The following NBAS variants were observed in gnomAD, a reference collection of about 807,000 sequenced individuals.
The protein encoded by NBAS is NBAS subunit of NRZ tethering complex.
In NBAS, 219 loss-of-function variants were observed where a neutral mutation model predicts 302.5. The observed-to-expected ratio is 0.72, with a 90% CI of 0.65 to 0.81. The LOEUF is 0.81. Among genes scored for constraint, NBAS ranks in the 30% least tolerant of loss-of-function variants. The pLI, the probability that NBAS is intolerant of heterozygous loss-of-function variation, is 0.00. For synonymous variants in NBAS, 1,118 were observed against 1,021.6 expected (o/e 1.09, Z -1.80); for missense variants, 2,932 against 2,841.6 (o/e 1.03, Z -0.72).
At chr2:14,962,715 C>T in the NBAS span, among the ~76,000 whole-genome samples, 124,799 of 152,096 alleles carry the variant, frequency 0.82, 51,630 homozygotes, top group African/African-American at 0.93. Flanking sequence ...TGAAAATTGA[C>T]GTATAAGGTC....
In NBAS at chr2:15,415,661, C is replaced by T. The variant is rs781766556; in HGVS notation, c.2822G>A (p.Arg941His). ...CACACCAGGCGACTGTTTCTCACAACGATGAAGAAAGGGAACCATCCACTG... is the reference window on the plus strand; with the variant it reads ...CACACCAGGCGACTGTTTCTCACAATGATGAAGAAAGGGAACCATCCACTG... ...AYQWMVPFLH[R>H]CEKQSPGVAN... The change falls in exon 25 of 52, where the codon CGT (arginine) becomes CAT (histidine). Residue 941 changes from arginine to histidine, a missense_variant. Transcript: ENST00000281513. 2.5e-6 allele frequency: 4 copies of T among 1,614,098 alleles called. No individual in the cohort carries two copies. The highest frequency in any genetic ancestry group is 3.4e-6 in the Non-Finnish European group (4 of 1,180,030).
At chr2:14,864,865 A>G in the NBAS span, among the ~76,000 whole-genome samples, 2 of 152,328 alleles carry the variant, frequency 1.3e-5, no homozygotes, top group South Asian at 4.1e-4. Context: ...AGAACCTGCC[A>G]TGTAGTAAAT....
At chr2:15,230,302 A>T (rs1667326484) in intron 47 of NBAS, among the ~76,000 whole-genome samples, 1 of 152,024 alleles carries the variant, frequency 6.6e-6, no homozygotes, top group African/African-American at 2.4e-5. Context: ...GGAAACCCAA[A>T]CAAAGGGTGT....
the NBAS span, among the ~76,000 whole-genome samples, chr2:15,054,543 T>C: frequency 6.6e-6 from 1 of 152,240 alleles, no homozygotes; most frequent in African/African-American, 2.4e-5. Context: ...GTATGCAGAA[T>C]AAGTGCTGTA....
At chr2:14,788,393 C>A in the NBAS span, among the ~76,000 whole-genome samples, 2 of 152,240 alleles carry the variant, frequency 1.3e-5, no homozygotes, top group East Asian at 3.9e-4. Context: ...GGAGGAGAGG[C>A]GCTCTGCTTT....
the NBAS span, among the ~76,000 whole-genome samples, chr2:14,877,248 C>T: frequency 2.0e-5 from 3 of 152,158 alleles, no homozygotes; most frequent in Admixed American, 2.0e-4. Context: ...CTGCTTTCCA[C>T]CCACTTTAAA....
chr2:14,781,618 G>A, the NBAS span, among the ~76,000 whole-genome samples: 1 of 151,986 alleles, frequency 6.6e-6, no homozygotes, highest in African/African-American at 2.4e-5. Flanking sequence ...ATAGCAAGGT[G>A]CTTTAGATGA....
At chr2:15,306,233 G>T (rs145009477) in intron 40 of NBAS, among the ~76,000 whole-genome samples, 2,610 of 152,222 alleles carry the variant, frequency 0.017, 37 homozygotes, top group Middle Eastern at 0.031. Flanking sequence ...AAAATTACTA[G>T]AGTATAATAA....
chr2:15,466,289 G>A (rs578139078), intron 19 of NBAS, among the ~76,000 whole-genome samples: 28 of 152,146 alleles, frequency 1.8e-4, no homozygotes, highest in African/African-American at 6.3e-4. Context: ...GAGCTGCGAG[G>A]CACACACACA....
intron 47 of NBAS, among the ~76,000 whole-genome samples, chr2:15,219,679 T>G (rs1363612791): frequency 2.9e-5 from 4 of 136,610 alleles, no homozygotes; most frequent in African/African-American, 5.7e-5. Context: ...GGCAGAAGAA[T>G]TTTTCTTAGT....
the NBAS span, among the ~76,000 whole-genome samples, chr2:14,782,647 A>G: frequency 1.3e-5 from 2 of 152,210 alleles, no homozygotes; most frequent in African/African-American, 4.8e-5. Context: ...TCATAAAGAC[A>G]GATGCACACA....
At chr2:15,173,885 AT>A (rs1402267997) in intron 51 of NBAS, among the ~76,000 whole-genome samples, 1 of 152,238 alleles carries the variant, frequency 6.6e-6, no homozygotes, top group East Asian at 1.9e-4. Context: ...CCATGAGATT[AT>A]TCATTTAAGC....
the NBAS span, among the ~76,000 whole-genome samples, chr2:15,079,790 G>C: frequency 1.3e-5 from 2 of 152,136 alleles, no homozygotes; most frequent in Non-Finnish European, 2.9e-5. Context: ...CTAGCAGGCG[G>C]TTAGCACTTT....
intron 10 of NBAS, among the ~76,000 whole-genome samples, chr2:15,507,741 G>C (rs1487770650): frequency 6.6e-6 from 1 of 152,150 alleles, no homozygotes; most frequent in African/African-American, 2.4e-5. Flanking sequence ...CATATGCAGC[G>C]AATCCCTTGA....
intron 45 of NBAS, among the ~76,000 whole-genome samples, chr2:15,238,231 C>G (rs1037961329): frequency 6.6e-6 from 1 of 152,146 alleles, no homozygotes; most frequent in African/African-American, 2.4e-5. Flanking sequence ...TTCTCACCCA[C>G]TTCCTCTATT....
intron 38 of NBAS, among the ~76,000 whole-genome samples, chr2:15,320,171 G>A (rs574098950): frequency 6.6e-6 from 1 of 152,218 alleles, no homozygotes; most frequent in South Asian, 2.1e-4. Context: ...AATAGATGCA[G>A]AAAAGGCCTT....
the NBAS span, among the ~76,000 whole-genome samples, chr2:15,110,277 G>A: frequency 6.6e-6 from 1 of 152,106 alleles, no homozygotes. Flanking sequence ...GTAGTTGTGA[G>A]ATGCACAGGC....
chr2:15,194,930 T>C (rs1665546558), intron 48 of NBAS, among the ~76,000 whole-genome samples: 1 of 152,164 alleles, frequency 6.6e-6, no homozygotes, highest in South Asian at 2.1e-4. Context: ...TATCTACAGA[T>C]AAATTGTCTA....
chr2:15,229,538 T>C (rs750094307), intron 47 of NBAS, among the ~76,000 whole-genome samples: 5 of 151,702 alleles, frequency 3.3e-5, no homozygotes, highest in South Asian at 4.2e-4. Context: ...TCCCAACACT[T>C]TGGGAGGCCG....
Sources: gnomAD v4.1 joint callset for allele counts (sites outside exome capture counted in the v4.1 genomes callset) on GRCh38, gnomAD v4.1.1 for gene constraint, MANE v1.5 for transcripts, NCBI Gene and HGNC (gene_info 2026-07-23, HGNC 2026-07-21) for gene names.